Variants in FIGLA observed in about 807,000 individuals in gnomAD.
FIGLA encodes the protein factor in the germline alpha.
In FIGLA, 17 loss-of-function variants were observed where a neutral mutation model predicts 21.5. The ratio of observed to expected loss-of-function variants is 0.79; its 90% CI spans 0.54 to 1.19. The LOEUF (loss-of-function observed/expected upper bound fraction) is 1.19. FIGLA is among the 50% of genes most tolerant of loss of function. The pLI, the probability that FIGLA is intolerant of heterozygous loss-of-function variation, is 0.00. For missense variants in FIGLA, 282 were observed against 285.0 expected (o/e 0.99, Z 0.08); for synonymous variants, 129 against 117.6 (o/e 1.10, Z -0.63).
intron 2 of FIGLA, among the ~76,000 whole-genome samples, chr2:70,786,594 G>A (rs1574352242): frequency 6.6e-6 from 1 of 152,120 alleles, no homozygotes; most frequent in Non-Finnish European, 1.5e-5. Flanking sequence ...GTGAGCCACC[G>A]CGCCTGGCAG....
At position 70,785,546 on chromosome 2, in the gene FIGLA, T is replaced by C; in HGVS notation, c.478A>G (p.Ile160Val). ...RQLSRNITQH[I>V]SCAFGLKNEE... is the part of the protein sequence containing the mutation. ...TTCTTCAAGCCGAAAGCACAGCTGA[T>C]ATGTTGGGTGATGTTTCTTGACAGC... The change falls in exon 3 of 5, where the codon ATC (isoleucine) becomes GTC (valine). Residue 160 changes from isoleucine (I) to valine (V), a missense_variant. Ile to Val is a conservative substitution (Grantham distance 29). Transcript: ENST00000332372. The C allele has an allele frequency of 6.2e-7, 1 of 1,613,990 alleles. No individual in the cohort carries two copies. The highest frequency in any genetic ancestry group is 8.5e-7 in the Non-Finnish European group (1 of 1,179,886).
chr2:70,782,691 A>G (rs542677128), intron 3 of FIGLA, among the ~76,000 whole-genome samples: 1 of 152,360 alleles, frequency 6.6e-6, no homozygotes, highest in East Asian at 1.9e-4. Context: ...GTTGACCCTC[A>G]AATGTGCCAG....
chr2:70,778,825 TAAG>T (rs1483529807), intron 3 of FIGLA, among the ~76,000 whole-genome samples: 12 of 152,138 alleles, frequency 7.9e-5, no homozygotes, highest in Admixed American at 3.9e-4. Flanking sequence ...TTAATATCTT[TAAG>T]AAGGCAGGCA....
intron 1 of FIGLA, among the ~76,000 whole-genome samples, chr2:70,788,172 C>G (rs1675991363): frequency 6.6e-6 from 1 of 152,172 alleles, no homozygotes; most frequent in South Asian, 2.1e-4. Flanking sequence ...GTGTGGAATA[C>G]TTCACATCAC....
intron 3 of FIGLA, among the ~76,000 whole-genome samples, chr2:70,778,223 A>G (rs1032157837): frequency 2.0e-5 from 3 of 152,080 alleles, no homozygotes; most frequent in South Asian, 2.1e-4. Context: ...CCCAACCCCA[A>G]CACTTCACTG....
intron 2 of FIGLA, among the ~76,000 whole-genome samples, chr2:70,786,654 T>G (rs1372363802): frequency 6.6e-6 from 1 of 152,120 alleles, no homozygotes; most frequent in African/African-American, 2.4e-5. Context: ...CTGAATCTGC[T>G]TGGATTCCAG....
chr2:70,785,449 G>C lies in FIGLA; in HGVS notation c.575C>G (p.Ser192Cys). The change falls in exon 3 of 5, where the codon TCT becomes TGT. Residue 192 changes from serine to cysteine, a missense_variant. Physicochemically the swap from Ser to Cys is moderately radical, Grantham distance 112. Transcript: ENST00000332372. ...PAHACRHSVM[S>C]TTEIISPTRS... ...GGTTGGGGAGATAATTTCAGTCGTA[G>C]ACATCACACTGTGGCGACAAGCGTG... The C allele has an allele frequency of 1.2e-6, 2 of 1,613,828 alleles. No individual in the cohort carries two copies. Among genetic ancestry groups the C allele is most frequent in the Non-Finnish European group, 1.7e-6 (2 of 1,179,750 alleles).
chr2:70,790,387 T>G, intron 1 of FIGLA, 21 bp downstream of exon 1: 8 of 1,500,498 alleles, frequency 5.3e-6, no homozygotes, highest in Non-Finnish European at 7.1e-6. Flanking sequence ...GGAACGGACG[T>G]CGACCCTAGG....
intron 1 of FIGLA, among the ~76,000 whole-genome samples, chr2:70,788,987 C>G (rs996408793): frequency 6.6e-5 from 10 of 152,128 alleles, no homozygotes; most frequent in Non-Finnish European, 1.3e-4. Context: ...AAGCTACAAA[C>G]AGCAAACATG....
Position 70,777,620 on chromosome 2 carries a change from G to A in FIGLA, c.644+17C>T, listed in dbSNP as rs567885917. On this transcript the variant is annotated intron_variant, in intron 4 of 4. Coordinates refer to ENST00000332372, the MANE Select transcript of FIGLA (RefSeq NM_001004311.3). ...GTTATAAATTGGCACTATGCATCAG[G>A]TTATAGAATGACCTACCTGTGACTC... 38 of 1,601,878 alleles carry A rather than the reference G, an allele frequency of 2.4e-5. No homozygotes were observed. In the South Asian group the frequency reaches 3.6e-4, roughly 15 times the overall value.
chr2:70,784,356 G>C (rs539985727), intron 3 of FIGLA, among the ~76,000 whole-genome samples: 12 of 152,292 alleles, frequency 7.9e-5, no homozygotes, highest in African/African-American at 2.6e-4. Flanking sequence ...AATGTTGATT[G>C]CTCATGAGTC....
chr2:70,785,287 C>T, intron 3 of FIGLA, 128 bp downstream of exon 3: 1 of 827,900 alleles, frequency 1.2e-6, no homozygotes. Context: ...CCCCACTGCC[C>T]CACCCAAAGG....
chr2:70,788,267 A>C (rs1675992946), intron 1 of FIGLA, among the ~76,000 whole-genome samples: 1 of 152,192 alleles, frequency 6.6e-6, no homozygotes, highest in South Asian at 2.1e-4. Flanking sequence ...TACAAATAAG[A>C]TACCTCACCC....
chr2:70,781,412 C>A (rs1376846261), intron 3 of FIGLA, among the ~76,000 whole-genome samples: 2 of 152,166 alleles, frequency 1.3e-5, no homozygotes, highest in Non-Finnish European at 2.9e-5. Flanking sequence ...GCTTAAGGAG[C>A]TTTCGCTGGC....
At chr2:70,787,580 C>A in intron 2 of FIGLA, 69 bp downstream of exon 2, 2 of 1,409,702 alleles carry the variant, frequency 1.4e-6, no homozygotes, top group Middle Eastern at 1.8e-4. Context: ...TCACTTGGCA[C>A]AGTGTCTCGT....
Position 70,790,531 on chromosome 2 carries a change from C to A in FIGLA, c.108G>T (p.Pro36=). 2 of 1,537,672 alleles carry A rather than the reference C, an allele frequency of 1.3e-6. No individual in the cohort carries two copies. Residue 36 remains proline (P), a synonymous_variant, in exon 1 of 5, where the codon CCG becomes CCT. Coordinates refer to ENST00000332372, the MANE Select transcript of FIGLA (RefSeq NM_001004311.3). ...GGCAGACAGCGGCCAGCTGGGGCAGCGGCCCGAACTGCTCCCGCAACACGT... is the reference window on the plus strand; with the variant it reads ...GGCAGACAGCGGCCAGCTGGGGCAGAGGCCCGAACTGCTCCCGCAACACGT... ...LEDVLREQFG[P]LPQLAAVCRL...
intron 2 of FIGLA, 65 bp downstream of exon 2, chr2:70,787,583 TG>T: frequency 7.0e-7 from 1 of 1,426,316 alleles, no homozygotes; most frequent in South Asian, 1.3e-5. Context: ...CTTGGCACAG[TG>T]TCTCGTACAT....
Position 70,785,510 on chromosome 2 carries a change from C to T in FIGLA, c.514G>A (p.Gly172Arg), listed in dbSNP as rs782623686. ...CAFGLKNEEE[G>R]PWADGGSGEP... ...CCACTGCCACCATCTGCCCAAGGCC[C>T]TTCCTCTTCATTCTTCAAGCCGAAA... The change falls in exon 3 of 5, where the codon GGG becomes AGG. Residue 172 changes from glycine to arginine, a missense_variant. Physicochemically the swap from Gly to Arg is moderately radical, Grantham distance 125. Coordinates refer to ENST00000332372, the MANE Select transcript of FIGLA (RefSeq NM_001004311.3). The T allele has an allele frequency of 3.1e-6, 5 of 1,613,958 alleles. No individual in the cohort carries two copies. In the Admixed American group the frequency reaches 8.3e-5, roughly 27 times the overall value.
intron 3 of FIGLA, among the ~76,000 whole-genome samples, chr2:70,778,300 T>C (rs979906918): frequency 6.6e-6 from 1 of 152,204 alleles, no homozygotes; most frequent in African/African-American, 2.4e-5. Flanking sequence ...GATATAATTG[T>C]TTGTATAGCA....
Sources: allele counts gnomAD v4.1 joint callset (sites outside exome capture counted in the v4.1 genomes callset), GRCh38; gene constraint gnomAD v4.1.1; transcripts MANE v1.5; gene names NCBI Gene and HGNC (gene_info 2026-07-23, HGNC 2026-07-21).